The following SENP5 variants were observed in gnomAD, a reference collection of about 807,000 sequenced individuals.
SENP5 encodes sentrin-specific protease 5.
In SENP5, 21 loss-of-function variants were observed where a neutral mutation model predicts 74.2. The ratio of observed to expected loss-of-function variants is 0.28; its 90% CI spans 0.20 to 0.41. The LOEUF (loss-of-function observed/expected upper bound fraction) is 0.41. SENP5 is among the 10% of genes least tolerant of loss of function. The pLI, the probability that SENP5 is intolerant of heterozygous loss-of-function variation, is 1.00. For missense variants in SENP5, 717 were observed against 889.1 expected, an observed-to-expected ratio of 0.81 and a Z score of 2.46; for synonymous variants, 311 against 312.7, an observed-to-expected ratio of 0.99 and a Z score of 0.06.
intron 1 of SENP5, among the ~76,000 whole-genome samples, chr3:196,875,178 A>G (rs563630954): frequency 3.9e-5 from 6 of 152,334 alleles, no homozygotes; most frequent in African/African-American, 1.4e-4. Flanking sequence ...TGATACCACT[A>G]TCTACCTAGT....
rs764374169 is a variant in SENP5 at position 196,885,222 on chromosome 3, A to G, written c.41A>G (p.His14Arg). The part of the protein sequence containing the change: ...QRKILWRKGI[H>R]LAFSEKWNTG... ...AAAATTCTATGGAGGAAAGGAATCC[A>G]CTTAGCCTTTTCTGAGAAATGGAAT... Residue 14 changes from histidine to arginine, a missense_variant, in exon 2 of 10, where the codon CAC becomes CGC. Physicochemically the swap from His to Arg is conservative, Grantham distance 29. This residue lies in a region of SENP5 where 567 missense variants were observed against 577.4 expected (regional missense o/e 0.98). Transcript: ENST00000323460. The G allele has an allele frequency of 3.7e-6, 6 of 1,613,980 alleles. No homozygotes were observed. In the South Asian group the frequency reaches 5.5e-5, roughly 15 times the overall value.
intron 6 of SENP5, among the ~76,000 whole-genome samples, chr3:196,907,893 T>TAA (rs35164215): frequency 3.5e-4 from 51 of 144,392 alleles, no homozygotes; most frequent in Non-Finnish European, 6.8e-4. Flanking sequence ...TTGGGTTAAG[T>TAA]AAAAAAAAAA....
At chr3:196,904,092 A>G (rs1397817532) in intron 6 of SENP5, among the ~76,000 whole-genome samples, 2 of 152,226 alleles carry the variant, frequency 1.3e-5, no homozygotes, top group Non-Finnish European at 2.9e-5. Context: ...TTATACATAC[A>G]TGTAATTGAA....
intron 7 of SENP5, among the ~76,000 whole-genome samples, chr3:196,923,832 C>G (rs1406865951): frequency 6.6e-6 from 1 of 152,150 alleles, no homozygotes; most frequent in African/African-American, 2.4e-5. Flanking sequence ...TTTCTTTGAT[C>G]ATCTTAGAGC....
intron 1 of SENP5, among the ~76,000 whole-genome samples, chr3:196,881,985 C>G (rs1010216907): frequency 6.8e-6 from 1 of 146,340 alleles, no homozygotes; most frequent in African/African-American, 2.5e-5. Context: ...GCCTTCAGAA[C>G]TCCCAGGTTC....
At chr3:196,878,442 C>A (rs1713575634) in intron 1 of SENP5, among the ~76,000 whole-genome samples, 1 of 152,140 alleles carries the variant, frequency 6.6e-6, no homozygotes, top group Admixed American at 6.5e-5. Context: ...TAGTGGAAAT[C>A]TATATGCTGA....
Position 196,886,258 on chromosome 3 carries a change from A to T in SENP5, c.1077A>T (p.Ser359=). The change falls in exon 2 of 10, where the codon TCA becomes TCT. Residue 359 remains serine, a synonymous_variant. Coordinates refer to ENST00000323460, the MANE Select transcript of SENP5 (RefSeq NM_152699.5). The part of the protein sequence containing the change: ...NGSATNAWDQ[S]SCSSPKWECT... ...GTGCCACAAACGCCTGGGACCAGTCATCCTGTTCTTCTCCTAAGTGGGAGT... is the reference window on the plus strand; with the variant it reads ...GTGCCACAAACGCCTGGGACCAGTCTTCCTGTTCTTCTCCTAAGTGGGAGT... 1 of 1,614,178 alleles carries T rather than the reference A, an allele frequency of 6.2e-7. No homozygotes were observed. The highest frequency in any genetic ancestry group is 8.5e-7 in the Non-Finnish European group (1 of 1,180,024).
rs1017134020 is a variant in SENP5, at chr3:196,934,582, C to T, written c.*3659C>T. 2 of 152,184 alleles carry T rather than the reference C, an allele frequency of 1.3e-5. No individual in the cohort carries two copies. Among genetic ancestry groups the T allele is most frequent in the Non-Finnish European group, 2.9e-5 (2 of 68,036 alleles). 9.4% of individuals were successfully genotyped at this position (152,184 alleles called of 1,614,324 possible). On this transcript the variant is annotated 3_prime_UTR_variant, in exon 10 of 10. Transcript: ENST00000323460. The stretch of plus-strand genomic sequence containing the variant: ...TGGGTGTTACAAAAGCAGACCTAGA[C>T]GAGCTGTTCACTTAACTGGTACCTG...
In SENP5 at chr3:196,886,577, C is replaced by T. The variant is rs758456116; in HGVS notation, c.1396C>T (p.Pro466Ser). Residue 466 changes from proline (P) to serine (S), a missense_variant, in exon 2 of 10, where the codon CCA (proline) becomes TCA (serine). Physicochemically the swap from Pro to Ser is moderately conservative, Grantham distance 74. Around this residue, in one of 4 missense-constraint regions of SENP5, gnomAD observed 567 missense variants for 577.4 expected, o/e 0.98. Coordinates refer to ENST00000323460, the MANE Select transcript of SENP5 (RefSeq NM_152699.5). ...GCTGGACCACCCTTACTGTAAAAGT[C>T]CACTGGAGGCTCCCTTGGTGTGCAG... ...ELLDHPYCKS[P>S]LEAPLVCSGL... is the part of the protein sequence containing the mutation. The T allele has an allele frequency of 1.2e-6, 2 of 1,613,882 alleles. No individual in the cohort carries two copies. Among genetic ancestry groups the T allele is most frequent in the Non-Finnish European group, 1.7e-6 (2 of 1,179,946 alleles).
At chr3:196,892,086 G>A (rs761386084) in intron 2 of SENP5, among the ~76,000 whole-genome samples, 8 of 151,426 alleles carry the variant, frequency 5.3e-5, no homozygotes, top group East Asian at 1.9e-4. Context: ...CACCGCGCCC[G>A]GCCGACCTTG....
At chr3:196,907,539 A>G (rs1714954368) in intron 6 of SENP5, among the ~76,000 whole-genome samples, 1 of 152,066 alleles carries the variant, frequency 6.6e-6, no homozygotes, top group African/African-American at 2.4e-5. Flanking sequence ...AAAAATATAC[A>G]TTCATGGAAA....
intron 2 of SENP5, among the ~76,000 whole-genome samples, chr3:196,898,818 C>G (rs748199296): frequency 6.6e-6 from 1 of 152,016 alleles, no homozygotes; most frequent in Admixed American, 6.6e-5. Context: ...CGAGACCATT[C>G]GATGATTGCA....
At chr3:196,897,762 G>C (rs1714504102) in intron 2 of SENP5, among the ~76,000 whole-genome samples, 1 of 152,234 alleles carries the variant, frequency 6.6e-6, no homozygotes, top group South Asian at 2.1e-4. Context: ...CCGTCAGACT[G>C]ATGGTTAGCT....
At chr3:196,873,353 G>A (rs7626673) in intron 1 of SENP5, among the ~76,000 whole-genome samples, 56,101 of 151,338 alleles carry the variant, frequency 0.37, 11,986 homozygotes, top group East Asian at 0.77. Flanking sequence ...GATTACAGGC[G>A]TGAGCCACCG....
At chr3:196,869,629 G>A (rs1577783948) in intron 1 of SENP5, among the ~76,000 whole-genome samples, 2 of 151,478 alleles carry the variant, frequency 1.3e-5, no homozygotes, top group Non-Finnish European at 2.9e-5. Flanking sequence ...GCGTGGTGGC[G>A]CATGCCTGTA....
rs79641496 is a variant in SENP5 at position 196,888,608 on chromosome 3, G to T, written c.1513+1914G>T. Among the ~76,000 whole-genome samples, 187 of 151,288 alleles carry T rather than the reference G, an allele frequency of 1.2e-3. 7 individuals are homozygous for T. The East Asian group carries it at 0.031, about 25-fold the overall frequency. On this transcript the variant is annotated intron_variant, in intron 2 of 9. Transcript: ENST00000323460. ...CAAAAAAAAAAGAAAGAAAAAAAGTGAAAACAGTAAGTTGCAAAATGGTAT... is the reference window on the plus strand; with the variant it reads ...CAAAAAAAAAAGAAAGAAAAAAAGTTAAAACAGTAAGTTGCAAAATGGTAT...
chr3:196,904,526 G>A (rs1028327064), intron 6 of SENP5, among the ~76,000 whole-genome samples: 20 of 152,174 alleles, frequency 1.3e-4, no homozygotes, highest in Non-Finnish European at 2.9e-5. Flanking sequence ...GGTGGCTCAC[G>A]CCTGTAATCC....
chr3:196,874,820 A>C (rs1280546783), intron 1 of SENP5, among the ~76,000 whole-genome samples: 1 of 152,132 alleles, frequency 6.6e-6, no homozygotes, highest in Non-Finnish European at 1.5e-5. Context: ...CGGAGGTTGC[A>C]GTGAGCTGAG....
At chr3:196,889,228 A>G (rs941143364) in intron 2 of SENP5, among the ~76,000 whole-genome samples, 4 of 152,020 alleles carry the variant, frequency 2.6e-5, no homozygotes, top group Admixed American at 6.5e-5. Context: ...CCTCTTGTCT[A>G]TACTGTCCTA....
Sources: gnomAD v4.1 joint callset for allele counts (sites outside exome capture counted in the v4.1 genomes callset) on GRCh38, gnomAD v4.1.1 for gene constraint, gnomAD v4.1.1 regional missense constraint, MANE v1.5 for transcripts, NCBI Gene and HGNC (gene_info 2026-07-23, HGNC 2026-07-21) for gene names.